UNKL: variants seen among roughly 807,000 people sequenced by gnomAD.
UNKL encodes putative E3 ubiquitin-protein ligase UNKL.
A neutral mutation model predicts 78.0 loss-of-function variants in UNKL; 60 were observed. That is an observed-to-expected ratio of 0.77 (90% confidence interval 0.63 to 0.95). The LOEUF (loss-of-function observed/expected upper bound fraction) is 0.95. Ranked by LOEUF, UNKL falls within the 40% of genes least tolerant of loss-of-function variation. UNKL has a pLI of 0.00. For synonymous variants in UNKL, 608 were observed against 474.8 expected, an observed-to-expected ratio of 1.28 and a Z score of -3.65; for missense variants, 1,159 against 1,045.7, an observed-to-expected ratio of 1.11 and a Z score of -1.49.
chr16:1,386,134 C>T (rs2036803027), intron 9 of UNKL, among the ~76,000 whole-genome samples: 1 of 152,348 alleles, frequency 6.6e-6, no homozygotes, highest in East Asian at 1.9e-4. Context: ...TCTGGCTGGG[C>T]ACAGTGGCTC....
chr16:1,384,867 G>A (rs1244427016), intron 10 of UNKL, among the ~76,000 whole-genome samples: 5 of 151,886 alleles, frequency 3.3e-5, no homozygotes, highest in African/African-American at 4.8e-5. Flanking sequence ...CCACAGCGCT[G>A]GGAGCACAGG....
In UNKL at chr16:1,393,045, G is replaced by C. The variant is rs1356359653; in HGVS notation, c.938-69C>G. On this transcript the variant is annotated intron_variant, in intron 7 of 14. Coordinates refer to ENST00000389221, the MANE Select transcript of UNKL (RefSeq NM_001372107.1). ...GCGACAGTGACACGCAGAAGTCTCCGCACCACACGTCAGGGCCGAGTGTGC... is the reference window on the plus strand; with the variant it reads ...GCGACAGTGACACGCAGAAGTCTCCCCACCACACGTCAGGGCCGAGTGTGC... 2.0e-6 allele frequency: 3 copies of C among 1,463,944 alleles called. No homozygotes were observed. The African/African-American group carries it at 4.2e-5, about 21-fold the overall frequency. 90.7% of individuals were successfully genotyped at this position (1,463,944 alleles called of 1,614,324 possible). A position where few individuals can be genotyped will look rare whatever the true frequency, so the allele number is the denominator to read the frequency against.
intron 10 of UNKL, among the ~76,000 whole-genome samples, 180 bp from the exon 11 acceptor site, chr16:1,371,791 C>T (rs1241763102): frequency 6.6e-6 from 1 of 152,180 alleles, no homozygotes; most frequent in Non-Finnish European, 1.5e-5. Flanking sequence ...CCCCCACAGG[C>T]AGTGTGAGGC....
intron 10 of UNKL, among the ~76,000 whole-genome samples, chr16:1,384,525 G>A (rs143183501): frequency 7.4e-4 from 112 of 151,742 alleles, no homozygotes; most frequent in African/African-American, 2.6e-3. Context: ...CTGTGCCCCC[G>A]ACTCCAAGCC....
intron 5 of UNKL, chr16:1,398,173 A>G (rs573040015): frequency 1.9e-6 from 1 of 528,922 alleles, no homozygotes; most frequent in African/African-American, 2.1e-5. Context: ...TGATCCCACA[A>G]TTTAAAACTC....
intron 6 of UNKL, chr16:1,395,647 G>C (rs2037227185): frequency 2.2e-6 from 1 of 452,362 alleles, no homozygotes; most frequent in Non-Finnish European, 4.5e-6. Context: ...TGTTTACCTG[G>C]GGCGGGGCCC....
chr16:1,389,443 T>C (rs1238008720), intron 9 of UNKL, among the ~76,000 whole-genome samples: 2 of 152,242 alleles, frequency 1.3e-5, no homozygotes, highest in East Asian at 1.9e-4. Context: ...AGCCTGGTGG[T>C]GTATGCCTGG....
In UNKL at chr16:1,403,416, C is replaced by G; in HGVS notation, c.288-72G>C. Reference sequence around the variant, plus strand: ...GGCAGCCCTAAGCTCCCTGGGTCCACGCCCTGTCAGCACGTGGCAAGCAGT... The same window carrying G: ...GGCAGCCCTAAGCTCCCTGGGTCCAGGCCCTGTCAGCACGTGGCAAGCAGT... On this transcript the variant is annotated intron_variant, in intron 2 of 14. Coordinates refer to ENST00000389221, the MANE Select transcript of UNKL (RefSeq NM_001372107.1). The surrounding 1 kb of genome is among the most constrained non-coding windows in gnomAD (Gnocchi z 4.8). 6.6e-7 allele frequency: 1 copy of G among 1,518,202 alleles called. No homozygotes were observed. The highest frequency in any genetic ancestry group is 8.9e-7 in the Non-Finnish European group (1 of 1,125,900). The allele number at this position is 1,518,202 out of a possible 1,614,324, so 94.0% of individuals were successfully genotyped here.
intron 10 of UNKL, 139 bp downstream of exon 10, chr16:1,385,069 T>C (rs2036756329): frequency 1.5e-6 from 1 of 674,404 alleles, no homozygotes; most frequent in Non-Finnish European, 2.1e-6. Context: ...AAGTGACAGA[T>C]GACTGAAAAT....
At chr16:1,366,863 G>A (rs1290759655) in intron 14 of UNKL, among the ~76,000 whole-genome samples, 1 of 150,456 alleles carries the variant, frequency 6.6e-6, no homozygotes, top group Non-Finnish European at 1.5e-5. Flanking sequence ...AAGAGGGAGG[G>A]GTGAAAGGGC....
At position 1,414,673 on chromosome 16, in the gene UNKL, CT is replaced by C; in HGVS notation, c.18del (p.Ala7ArgfsTer6). On this transcript the variant is annotated frameshift_variant, in exon 1 of 15. Coordinates refer to ENST00000389221, the MANE Select transcript of UNKL (RefSeq NM_001372107.1). LOFTEE classifies it high-confidence loss of function. MPSVSKAAAAALSGSP... is the reference protein window; with the variant it reads MPSVSXAAAAALSGSP... ...GACCCGCTCAGCGCCGCTGCCGCCG[CT>C]TTCGAAACCGACGGCATTTTCAGTC... 2.6e-6 allele frequency: 3 copies of C among 1,152,404 alleles called. No homozygotes were observed. Among genetic ancestry groups the C allele is most frequent in the South Asian group, 4.5e-5 (2 of 44,626 alleles). The allele number at this position is 1,152,404 out of a possible 1,614,324, so 71.4% of individuals were successfully genotyped here. A position where few individuals can be genotyped will look rare whatever the true frequency, so the allele number is the denominator to read the frequency against.
intron 10 of UNKL, among the ~76,000 whole-genome samples, chr16:1,372,249 G>C (rs914050618): frequency 2.6e-5 from 4 of 151,938 alleles, no homozygotes; most frequent in Admixed American, 1.3e-4. Context: ...GGACGACAGA[G>C]CAAGATTCCA....
At chr16:1,398,973 C>G in intron 5 of UNKL, 1 of 1,506,720 alleles carries the variant, frequency 6.6e-7, no homozygotes, top group South Asian at 1.3e-5. Flanking sequence ...CAGGTGACGA[C>G]AGTGCCTGAG....
chr16:1,401,796 C>A (rs1596752995), intron 3 of UNKL, 95 bp from the exon 4 acceptor site: 2 of 1,483,576 alleles, frequency 1.3e-6, no homozygotes, highest in East Asian at 4.7e-5. Context: ...CCCACCACTG[C>A]ACAGAGAGGC....
At chr16:1,383,484 G>T (rs566264492) in intron 10 of UNKL, 89 of 254,158 alleles carry the variant, frequency 3.5e-4, no homozygotes, top group South Asian at 6.2e-4. Flanking sequence ...CCGTCCTGGG[G>T]CCTCAGGAGC....
At chr16:1,408,921 ATTTC>A (rs1326535043) in intron 2 of UNKL, 1 of 147,466 alleles carries the variant, frequency 6.8e-6, no homozygotes. Flanking sequence ...CAAAATAGAA[ATTTC>A]TTTTTTTTTT....
intron 6 of UNKL, among the ~76,000 whole-genome samples, chr16:1,396,260 G>GT (rs201764063): frequency 0.013 from 1,705 of 133,776 alleles, 21 homozygotes; most frequent in Middle Eastern, 0.027. Flanking sequence ...GTTTTGTTTT[G>GT]TTTTTTTTCC....
At position 1,403,385 on chromosome 16, in the gene UNKL, C is replaced by G; in HGVS notation, c.288-41G>C. ...GCACGCAATGCCTGGTTATCATGGA[C>G]CCAGAGGCAGCCCTAAGCTCCCTGG... On this transcript the variant is annotated intron_variant, in intron 2 of 14. Coordinates refer to ENST00000389221, the MANE Select transcript of UNKL (RefSeq NM_001372107.1). This position sits in a 1 kb window ranked among gnomAD's most constrained non-coding sequence, Gnocchi z 4.8. 2 of 1,591,828 alleles carry G rather than the reference C, an allele frequency of 1.3e-6. No homozygotes were observed.
rs767129281 is a variant in UNKL, at chr16:1,401,534, C to A, written c.598+34G>T. Reference sequence around the variant, plus strand: ...TGTTCTCGCGCTGTGCCCGCCCCCCCCACCACCGCCCTCAGCTGCGGCCGT... The same window carrying A: ...TGTTCTCGCGCTGTGCCCGCCCCCCACACCACCGCCCTCAGCTGCGGCCGT... On this transcript the variant is annotated intron_variant, in intron 4 of 14. Transcript: ENST00000389221. The A allele has an allele frequency of 7.1e-6, 10 of 1,410,236 alleles. No homozygotes were observed. In the African/African-American group the frequency reaches 7.5e-5, roughly 11 times the overall value. 87.4% of individuals were successfully genotyped at this position (1,410,236 alleles called of 1,614,324 possible). A position where few individuals can be genotyped will look rare whatever the true frequency, so the allele number is the denominator to read the frequency against.
Sources: allele counts gnomAD v4.1 joint callset (sites outside exome capture counted in the v4.1 genomes callset), GRCh38; gene constraint gnomAD v4.1.1; non-coding constraint Gnocchi (gnomAD v3.1); transcripts MANE v1.5; gene names NCBI Gene and HGNC (gene_info 2026-07-23, HGNC 2026-07-21).